Variants in GRID2 observed in about 807,000 individuals in gnomAD.
The protein encoded by GRID2 is glutamate receptor ionotropic, delta-2.
Under a neutral mutation model 114.8 loss-of-function variants are expected in GRID2, and 33 were observed. The ratio of observed to expected loss-of-function variants is 0.29; its 90% CI spans 0.22 to 0.38. The LOEUF is 0.38. Among genes scored for constraint, GRID2 ranks in the 10% least tolerant of loss-of-function variants. The probability of loss-of-function intolerance (pLI) is 1.00; values close to 1 mark genes in which losing one functional copy is unlikely to be tolerated. For synonymous variants in GRID2, 505 were observed against 449.9 expected (o/e 1.12, Z -1.55); for missense variants, 1,184 against 1,257.7 (o/e 0.94, Z 0.89).
At chr4:92,630,664 T>C (rs1342007518) in intron 2 of GRID2, among the ~76,000 whole-genome samples, 3 of 152,150 alleles carry the variant, frequency 2.0e-5, no homozygotes, top group Admixed American at 2.0e-4. Context: ...GTGTCTTCTT[T>C]TTATTCTTAA....
At chr4:93,644,477 GT>G (rs1312719021) in intron 14 of GRID2, among the ~76,000 whole-genome samples, 33 of 152,008 alleles carry the variant, frequency 2.2e-4, no homozygotes, top group African/African-American at 7.2e-4. Flanking sequence ...CAAAATAGTG[GT>G]TTTGATAGTA....
chr4:93,661,576 G>A (rs559695825), intron 14 of GRID2, among the ~76,000 whole-genome samples: 3 of 152,082 alleles, frequency 2.0e-5, no homozygotes, highest in Non-Finnish European at 4.4e-5. Flanking sequence ...TATTAAATAA[G>A]CCTTCTATAA....
intron 1 of GRID2, among the ~76,000 whole-genome samples, chr4:92,575,421 T>C (rs900427132): frequency 6.6e-5 from 10 of 152,234 alleles, no homozygotes; most frequent in Non-Finnish European, 1.3e-4. Flanking sequence ...TCTGTGTTTT[T>C]GCAATGGTTC....
At chr4:93,608,610 T>C (rs1419044843) in intron 13 of GRID2, among the ~76,000 whole-genome samples, 1 of 141,952 alleles carries the variant, frequency 7.0e-6, no homozygotes, top group African/African-American at 2.6e-5. Context: ...TGGTTTCCAA[T>C]TTCATCCATG....
At chr4:93,228,339 A>AT (rs1184685494) in intron 7 of GRID2, among the ~76,000 whole-genome samples, 1 of 152,174 alleles carries the variant, frequency 6.6e-6, no homozygotes, top group African/African-American at 2.4e-5. Context: ...TCTTGTGACA[A>AT]TTAACCCATT....
intron 13 of GRID2, among the ~76,000 whole-genome samples, chr4:93,584,224 TATAAC>T (rs998533152): frequency 6.6e-6 from 1 of 152,168 alleles, no homozygotes; most frequent in African/African-American, 2.4e-5. Flanking sequence ...AAGGCTCTCT[TATAAC>T]ATAACTTTGA....
At chr4:93,620,585 A>G (rs1742124465) in intron 13 of GRID2, among the ~76,000 whole-genome samples, 1 of 152,194 alleles carries the variant, frequency 6.6e-6, no homozygotes, top group African/African-American at 2.4e-5. Context: ...ATCTATATAC[A>G]AATAGAAATG....
chr4:92,990,327 G>A (rs1051963016), intron 2 of GRID2, among the ~76,000 whole-genome samples: 4 of 147,276 alleles, frequency 2.7e-5, no homozygotes, highest in Non-Finnish European at 4.5e-5. Context: ...GTGTGTGTGT[G>A]TATAATTTTT....
In GRID2 at chr4:92,873,933, C is replaced by T. The variant is rs193027962; in HGVS notation, c.245-211062C>T. Among the ~76,000 whole-genome samples the T allele has an allele frequency of 1.1e-4, 17 of 152,168 alleles. No individual in the cohort carries two copies. The East Asian group carries it at 3.3e-3, about 30-fold the overall frequency. On this transcript the variant is annotated intron_variant, in intron 2 of 15. Coordinates refer to ENST00000282020, the MANE Select transcript of GRID2 (RefSeq NM_001510.4). ...TTCACCATGCTGGTCAGGCTGGTCT[C>T]GAACACCTGACCTCAGGTGATCCAC...
At chr4:93,531,221 A>G (rs894535059) in intron 13 of GRID2, among the ~76,000 whole-genome samples, 2 of 152,148 alleles carry the variant, frequency 1.3e-5, no homozygotes, top group African/African-American at 4.8e-5. Context: ...CATTTCCCTC[A>G]GGTGCATAAA....
At chr4:93,318,095 T>C (rs921147895) in intron 8 of GRID2, among the ~76,000 whole-genome samples, 1 of 147,606 alleles carries the variant, frequency 6.8e-6, no homozygotes, top group Non-Finnish European at 1.5e-5. Flanking sequence ...ATAGAAACAA[T>C]ATAATTTATA....
intron 8 of GRID2, among the ~76,000 whole-genome samples, chr4:93,305,172 G>T (rs537975586): frequency 6.6e-6 from 1 of 152,188 alleles, no homozygotes; most frequent in Non-Finnish European, 1.5e-5. Flanking sequence ...GAAATCATGG[G>T]GCAAAGCTCA....
chr4:93,276,670 G>T (rs1364656431), intron 8 of GRID2, among the ~76,000 whole-genome samples: 1 of 151,766 alleles, frequency 6.6e-6, no homozygotes, highest in Non-Finnish European at 1.5e-5. Context: ...TGTTCTTTTT[G>T]ATACTATTGT....
chr4:93,180,356 A>ATGCCAAC (rs1413531838), intron 4 of GRID2, among the ~76,000 whole-genome samples: 1 of 152,148 alleles, frequency 6.6e-6, no homozygotes, highest in Admixed American at 6.6e-5. Flanking sequence ...TTGCTAAAGA[A>ATGCCAAC]TGCCAACAAT....
intron 4 of GRID2, among the ~76,000 whole-genome samples, chr4:93,188,250 G>A (rs558464772): frequency 2.0e-5 from 3 of 152,126 alleles, no homozygotes; most frequent in Non-Finnish European, 2.9e-5. Flanking sequence ...AGAGTCATCC[G>A]TGCCTCCACA....
At chr4:93,250,406 A>G (rs3960133) in intron 8 of GRID2, among the ~76,000 whole-genome samples, 108,012 of 151,630 alleles carry the variant, frequency 0.71, 39,310 homozygotes, top group Middle Eastern at 0.86. Flanking sequence ...ATGATAGGTT[A>G]ATGGGTGCAG....
intron 13 of GRID2, among the ~76,000 whole-genome samples, chr4:93,608,114 AC>A (rs1740471475): frequency 2.7e-5 from 4 of 147,604 alleles, no homozygotes; most frequent in African/African-American, 1.0e-4. Flanking sequence ...ATACACACAC[AC>A]ATATATGTGT....
chr4:93,109,635 A>T (rs993236138), intron 3 of GRID2, among the ~76,000 whole-genome samples: 1 of 152,102 alleles, frequency 6.6e-6, no homozygotes, highest in Non-Finnish European at 1.5e-5. Context: ...GTCTATTCAT[A>T]AGTTCCCTAC....
intron 2 of GRID2, among the ~76,000 whole-genome samples, chr4:92,829,569 G>A (rs978048322): frequency 6.6e-6 from 1 of 152,076 alleles, no homozygotes; most frequent in Non-Finnish European, 1.5e-5. Context: ...ATTTGACCCA[G>A]CAATCCCATT....
Sources: gnomAD v4.1 joint callset for allele counts (sites outside exome capture counted in the v4.1 genomes callset) on GRCh38, gnomAD v4.1.1 for gene constraint, MANE v1.5 for transcripts, NCBI Gene and HGNC (gene_info 2026-07-23, HGNC 2026-07-21) for gene names.